Variants in TMTC4 observed in about 807,000 individuals in gnomAD.
The protein encoded by TMTC4 is transmembrane O-mannosyltransferase targeting cadherins 4.
TMTC4 carries 65 observed loss-of-function variants against 86.0 expected under a neutral mutation model. The ratio of observed to expected loss-of-function variants is 0.76; its 90% CI spans 0.62 to 0.93. The LOEUF is 0.93. TMTC4 is among the 40% of genes least tolerant of loss of function. The pLI is 0.00. For synonymous variants in TMTC4, 379 were observed against 382.5 expected, an observed-to-expected ratio of 0.99 and a Z score of 0.11; for missense variants, 866 against 948.1, an observed-to-expected ratio of 0.91 and a Z score of 1.14.
At chr13:100,621,634 C>T (rs1879493082) in intron 15 of TMTC4, among the ~76,000 whole-genome samples, 2 of 152,130 alleles carry the variant, frequency 1.3e-5, no homozygotes, top group Non-Finnish European at 2.9e-5. Flanking sequence ...ACCATGTTAG[C>T]CAGGATGGTC....
rs188459406 is a variant in TMTC4, at chr13:100,645,442, G to T, written c.641-3131C>A. ...TTCACTTGTTTCCTTCCACAGTTAA[G>T]AGAGCAAACACCCCTGCTGTATGCA... On this transcript the variant is annotated intron_variant, in intron 6 of 18. Transcript: ENST00000342624. 2.0e-5 allele frequency among the ~76,000 whole-genome samples: 3 copies of T among 152,306 alleles called. 1 individual carries two copies. In the East Asian group the frequency reaches 5.8e-4, roughly 29 times the overall value.
At chr13:100,660,673 T>TC (rs201979777) in intron 5 of TMTC4, among the ~76,000 whole-genome samples, 5,892 of 151,126 alleles carry the variant, frequency 0.039, 155 homozygotes, top group Middle Eastern at 0.069. Context: ...TTTTTTTTTT[T>TC]GACAGAGTCT....
At chr13:100,622,432 C>G (rs1879657945) in intron 15 of TMTC4, among the ~76,000 whole-genome samples, 2 of 152,140 alleles carry the variant, frequency 1.3e-5, no homozygotes, top group African/African-American at 4.8e-5. Flanking sequence ...AATTGTAGCT[C>G]CCATCATTCC....
intron 16 of TMTC4, 57 bp from the exon 17 acceptor site, chr13:100,612,567 C>T (rs1877781776): frequency 1.5e-6 from 2 of 1,294,002 alleles, no homozygotes; most frequent in Non-Finnish European, 2.2e-6. Context: ...CGCATTTTAG[C>T]TTCTCTCTAT....
At chr13:100,608,559 C>T (rs1250047003) in intron 17 of TMTC4, among the ~76,000 whole-genome samples, 5 of 152,190 alleles carry the variant, frequency 3.3e-5, no homozygotes, top group African/African-American at 9.7e-5. Flanking sequence ...ACGGGGGCAG[C>T]CCCTGGGCCT....
chr13:100,639,416 T>A (rs1045848219), intron 7 of TMTC4, among the ~76,000 whole-genome samples: 1 of 152,254 alleles, frequency 6.6e-6, no homozygotes, highest in Non-Finnish European at 1.5e-5. Flanking sequence ...AGATGCTCCC[T>A]GCGTAGCAGC....
chr13:100,621,510 CCGCCTCCCGGGTTCA>C (rs1276381137), intron 15 of TMTC4, among the ~76,000 whole-genome samples: 2 of 152,160 alleles, frequency 1.3e-5, no homozygotes, highest in Non-Finnish European at 2.9e-5. Flanking sequence ...ACTGCAAGCT[CCGCCTCCCGGGTTCA>C]CGCCATTCTC....
At chr13:100,675,069 CGGCG>C, upstream of TMTC4, 3 of 985,682 alleles carry the variant, frequency 3.0e-6, no homozygotes, top group Non-Finnish European at 3.6e-6. Flanking sequence ...CAGACGGACC[CGGCG>C]GGAGAGGAGG....
At chr13:100,647,310 C>T (rs1231717397) in intron 6 of TMTC4, among the ~76,000 whole-genome samples, 5 of 152,216 alleles carry the variant, frequency 3.3e-5, no homozygotes, top group African/African-American at 1.2e-4. Context: ...CCACTCTAGA[C>T]CCAGCACGAG....
chr13:100,644,493 A>T (rs571342791), intron 6 of TMTC4, among the ~76,000 whole-genome samples: 1 of 152,244 alleles, frequency 6.6e-6, no homozygotes, highest in African/African-American at 2.4e-5. Context: ...CCTGGCTCTC[A>T]ATGAACCATG....
At chr13:100,647,099 TG>T (rs1290431771) in intron 6 of TMTC4, among the ~76,000 whole-genome samples, 2 of 152,188 alleles carry the variant, frequency 1.3e-5, no homozygotes, top group Non-Finnish European at 2.9e-5. Flanking sequence ...TCATGAGAGA[TG>T]GGTGGCTTTG....
In TMTC4 at chr13:100,663,135, G is replaced by A. The variant is rs564830568; in HGVS notation, c.381C>T (p.His127=). Reference sequence around the variant, plus strand: ...CACTGTGCAGGAGGATGTTGACCACGTGAAAGCCCACGGGGTGGAAGCCTC... The same window carrying A: ...CACTGTGCAGGAGGATGTTGACCACATGAAAGCCCACGGGGTGGAAGCCTC... ...LSGGFHPVGF[H]VVNILLHSGI... is the part of the protein sequence containing the mutation. The change falls in exon 5 of 19, where the codon CAC becomes CAT. Residue 127 remains histidine (H), a synonymous_variant. Coordinates refer to ENST00000342624, the MANE Select transcript of TMTC4 (RefSeq NM_032813.5). The A allele has an allele frequency of 6.8e-6, 11 of 1,614,100 alleles. No individual in the cohort carries two copies. Among genetic ancestry groups the A allele is most frequent in the African/African-American group, 5.3e-5 (4 of 74,946 alleles).
intron 18 of TMTC4, 46 bp downstream of exon 18, chr13:100,606,312 A>G: frequency 1.3e-6 from 2 of 1,551,282 alleles, no homozygotes; most frequent in South Asian, 1.1e-5. Context: ...CCACTTCATT[A>G]AAGTAACAAA....
At chr13:100,623,704 A>G (rs1373060263) in intron 15 of TMTC4, among the ~76,000 whole-genome samples, 1 of 100,676 alleles carries the variant, frequency 9.9e-6, no homozygotes, top group Non-Finnish European at 1.8e-5. Context: ...GCTGGTCTTT[A>G]TTGGAAAGAT....
intron 6 of TMTC4, among the ~76,000 whole-genome samples, chr13:100,645,803 G>A (rs1351650193): frequency 4.6e-5 from 7 of 152,096 alleles, no homozygotes; most frequent in Admixed American, 1.3e-4. Flanking sequence ...TGTCCACCTC[G>A]GCACTCATCA....
rs202240839 is a variant in TMTC4 at position 100,625,593 on chromosome 13, C to T, written c.1778G>A (p.Arg593Gln). The T allele has an allele frequency of 3.2e-5, 51 of 1,614,028 alleles. No homozygotes were observed. Among genetic ancestry groups the T allele is most frequent in the Admixed American group, 6.7e-5 (4 of 59,998 alleles). ...TTTCCTTCTGTGTTTAATTGCTGTC[C>T]GGTAACTTTGCTCTGCTGCTTCAAA... is the stretch of plus-strand genomic sequence containing the variant. ...KRFEAAEQSY[R>Q]TAIKHRRKYP... The change falls in exon 15 of 19, where the codon CGG (arginine) becomes CAG (glutamine). Residue 593 changes from arginine (R) to glutamine (Q), a missense_variant. Transcript: ENST00000342624.
At position 100,642,258 on chromosome 13, in the gene TMTC4, G is replaced by C; in HGVS notation, c.694C>G (p.Leu232Val). Reference sequence around the variant, plus strand: ...TTGCACAGCATGGCCACTGCTCCCAGAAAGATACTCAGCAGCACCCAGAAG... The same window carrying C: ...TTGCACAGCATGGCCACTGCTCCCACAAAGATACTCAGCAGCACCCAGAAG... The part of the protein sequence containing the change: ...STFWVLLSIF[L>V]GAVAMLCKEQ... Residue 232 changes from leucine to valine, a missense_variant, in exon 7 of 19, where the codon CTG becomes GTG. Physicochemically the swap from Leu to Val is conservative, Grantham distance 32. Coordinates refer to ENST00000342624, the MANE Select transcript of TMTC4 (RefSeq NM_032813.5). The C allele has an allele frequency of 6.2e-7, 1 of 1,614,204 alleles. No homozygotes were observed. Among genetic ancestry groups the C allele is most frequent in the South Asian group, 1.1e-5 (1 of 91,086 alleles).
At chr13:100,651,251 G>C (rs1393239323) in intron 6 of TMTC4, among the ~76,000 whole-genome samples, 1 of 152,188 alleles carries the variant, frequency 6.6e-6, no homozygotes, top group Non-Finnish European at 1.5e-5. Context: ...AATGTGCAGA[G>C]ATGATCTGTT....
chr13:100,622,625 C>A (rs750464443), intron 15 of TMTC4, among the ~76,000 whole-genome samples: 9 of 152,112 alleles, frequency 5.9e-5, no homozygotes, highest in Non-Finnish European at 1.2e-4. Flanking sequence ...TCACCTTCCA[C>A]CTTGATTGTG....
Sources: allele counts gnomAD v4.1 joint callset (sites outside exome capture counted in the v4.1 genomes callset), GRCh38; gene constraint gnomAD v4.1.1; transcripts MANE v1.5; gene names NCBI Gene and HGNC (gene_info 2026-07-23, HGNC 2026-07-21).